NBEA: variants seen among roughly 807,000 people sequenced by gnomAD.
The protein encoded by NBEA is lysosomal-trafficking regulator 2.
A neutral mutation model predicts 343.4 loss-of-function variants in NBEA; 44 were observed. That is an observed-to-expected ratio of 0.13 (90% CI 0.10 to 0.16). NBEA has a LOEUF of 0.16. Ranked by LOEUF, NBEA falls within the 10% of genes least tolerant of loss-of-function variation. The pLI, the probability that NBEA is intolerant of heterozygous loss-of-function variation, is 1.00. For missense variants in NBEA, 2,555 were observed against 3,631.3 expected, an observed-to-expected ratio of 0.70 and a Z score of 7.62; for synonymous variants, 1,175 against 1,238.7, an observed-to-expected ratio of 0.95 and a Z score of 1.08.
At chr13:35,052,374 C>A (rs1293663944) in intron 6 of NBEA, among the ~76,000 whole-genome samples, 2 of 151,896 alleles carry the variant, frequency 1.3e-5, no homozygotes, top group African/African-American at 4.8e-5. Context: ...TAGCATGTTA[C>A]CTAATGGTAA....
intron 1 of NBEA, among the ~76,000 whole-genome samples, chr13:34,945,988 G>A (rs2059174409): frequency 6.6e-6 from 1 of 152,084 alleles, no homozygotes; most frequent in Non-Finnish European, 1.5e-5. Flanking sequence ...AGTTTGGTGA[G>A]GAATCACCAA....
intron 1 of NBEA, among the ~76,000 whole-genome samples, chr13:34,961,230 T>C (rs2059651303): frequency 6.6e-6 from 1 of 152,090 alleles, no homozygotes; most frequent in South Asian, 2.1e-4. Flanking sequence ...TTGTGGCATG[T>C]TATTAGTTGT....
intron 39 of NBEA, among the ~76,000 whole-genome samples, chr13:35,441,862 AAT>A (rs1212352125): frequency 6.6e-6 from 1 of 150,916 alleles, no homozygotes; most frequent in African/African-American, 2.4e-5. Flanking sequence ...ACACTGAGGT[AAT>A]GTCACTTACT....
intron 35 of NBEA, among the ~76,000 whole-genome samples, chr13:35,300,955 A>G (rs181567418): frequency 1.4e-3 from 217 of 151,558 alleles, no homozygotes; most frequent in Non-Finnish European, 2.7e-3. Flanking sequence ...AAATATGGTA[A>G]AAAAAAAATT....
chr13:35,457,301 G>C (rs1363266437), intron 40 of NBEA, among the ~76,000 whole-genome samples: 2 of 151,782 alleles, frequency 1.3e-5, no homozygotes, highest in Non-Finnish European at 2.9e-5. Context: ...TCATATAATT[G>C]ACCTGTTTAC....
chr13:34,978,048 C>T (rs1490812864), intron 1 of NBEA, among the ~76,000 whole-genome samples: 1 of 152,164 alleles, frequency 6.6e-6, no homozygotes, highest in African/African-American at 2.4e-5. Flanking sequence ...CTCAAGTGAT[C>T]CTCCTGCCTT....
rs377664420 is a variant in NBEA, at chr13:35,000,787, ATTG to A, written c.295-40143_295-40141del. On this transcript the variant is annotated intron_variant, in intron 1 of 58. Coordinates refer to ENST00000379939, the MANE Select transcript of NBEA (RefSeq NM_001385012.1). ...TACATTAAAAATGCCATCACATATT[ATTG>A]TTTTTTTAAAAACCTAAAGAAGTTT... Among the ~76,000 whole-genome samples the A allele has an allele frequency of 3.3e-3, 498 of 152,060 alleles. 3 individuals are homozygous for A. The highest frequency in any genetic ancestry group is 0.012 in the African/African-American group (480 of 41,486).
chr13:34,989,557 C>T (rs1007104107), intron 1 of NBEA, among the ~76,000 whole-genome samples: 1 of 150,732 alleles, frequency 6.6e-6, no homozygotes, highest in African/African-American at 2.4e-5. Flanking sequence ...GGAAGTCTGC[C>T]TCCGTGGTCC....
chr13:35,565,290 A>G (rs1288794345), intron 44 of NBEA, among the ~76,000 whole-genome samples: 1 of 152,252 alleles, frequency 6.6e-6, no homozygotes, highest in Non-Finnish European at 1.5e-5. Flanking sequence ...CAGATAAAAT[A>G]GTCATCAATA....
intron 36 of NBEA, among the ~76,000 whole-genome samples, chr13:35,347,682 CCTCCTCTTCCTCCTCCAT>C (rs1566010045): frequency 6.6e-6 from 1 of 152,014 alleles, no homozygotes; most frequent in African/African-American, 2.4e-5. Context: ...TCTTCCTCCT[CCTCCTCTTCCTCCTCCAT>C]CTCCTCCATG....
intron 17 of NBEA, among the ~76,000 whole-genome samples, chr13:35,125,159 A>T (rs147188254): frequency 6.6e-6 from 1 of 152,288 alleles, no homozygotes; most frequent in African/African-American, 2.4e-5. Context: ...ATACAACAAG[A>T]AGTAAAAAAT....
In NBEA at chr13:34,982,552, C is replaced by T. The variant is rs188184820; in HGVS notation, c.294+39438C>T. Among the ~76,000 whole-genome samples, 1,255 of 152,270 alleles carry T rather than the reference C, an allele frequency of 8.2e-3. 7 individuals carry two copies. The highest frequency in any genetic ancestry group is 0.014 in the Non-Finnish European group (962 of 68,036). ...CTGGCCTCAGGTAATCCTCCTGCCT[C>T]GGCCTCCCAAAGTGCTGGGAGTACA... On this transcript the variant is annotated intron_variant, in intron 1 of 58. Coordinates refer to ENST00000379939, the MANE Select transcript of NBEA (RefSeq NM_001385012.1).
rs766599044 is a variant in NBEA at position 34,964,140 on chromosome 13, G to A, written c.294+21026G>A. 6.6e-5 allele frequency among the ~76,000 whole-genome samples: 10 copies of A among 151,998 alleles called. No homozygotes were observed. The Middle Eastern group carries it at 0.01, about 155-fold the overall frequency. ...TAGGAATTTAACTTGCAACTGTCTC[G>A]AATCCAAGCTATACTCTGATTGAAA... On this transcript the variant is annotated intron_variant, in intron 1 of 58. Transcript: ENST00000379939.
chr13:35,483,793 C>G (rs1363453098), intron 41 of NBEA, among the ~76,000 whole-genome samples: 1 of 152,030 alleles, frequency 6.6e-6, no homozygotes, highest in Admixed American at 6.6e-5. Context: ...TTAATAATCT[C>G]AAACCATCTT....
At chr13:35,347,452 A>C (rs887375097) in intron 36 of NBEA, among the ~76,000 whole-genome samples, 1 of 152,140 alleles carries the variant, frequency 6.6e-6, no homozygotes, top group Non-Finnish European at 1.5e-5. Flanking sequence ...TAAAAAGGAC[A>C]TAGACAAAGG....
intron 48 of NBEA, among the ~76,000 whole-genome samples, chr13:35,620,648 A>T (rs984231121): frequency 6.6e-6 from 1 of 152,138 alleles, no homozygotes; most frequent in African/African-American, 2.4e-5. Context: ...TTTTGAAGGG[A>T]TCACTCTGGC....
At chr13:35,600,518 G>A (rs932632044) in intron 47 of NBEA, among the ~76,000 whole-genome samples, 5 of 152,132 alleles carry the variant, frequency 3.3e-5, no homozygotes, top group Non-Finnish European at 7.3e-5. Context: ...TCTAGTCTCA[G>A]AAGTAATATT....
intron 39 of NBEA, among the ~76,000 whole-genome samples, chr13:35,443,479 T>A (rs373299437): frequency 6.6e-6 from 1 of 152,026 alleles, no homozygotes; most frequent in African/African-American, 2.4e-5. Context: ...AAAATTAAAT[T>A]GAAGTGGGAA....
intron 34 of NBEA, among the ~76,000 whole-genome samples, chr13:35,257,195 A>G (rs1439270144): frequency 6.6e-6 from 1 of 152,244 alleles, no homozygotes; most frequent in Non-Finnish European, 1.5e-5. Context: ...GCTTGATAGA[A>G]TTATAGTAGT....
Sources: allele counts gnomAD v4.1 joint callset (sites outside exome capture counted in the v4.1 genomes callset), GRCh38; gene constraint gnomAD v4.1.1; transcripts MANE v1.5; gene names NCBI Gene and HGNC (gene_info 2026-07-23, HGNC 2026-07-21).